The following TENM4 variants were observed in gnomAD, a reference collection of about 807,000 sequenced individuals.
TENM4 encodes the protein teneurin-4.
A neutral mutation model predicts 243.3 loss-of-function variants in TENM4; 82 were observed. That is an observed-to-expected ratio of 0.34 (90% CI 0.28 to 0.40). TENM4 has a LOEUF of 0.40. TENM4 is among the 10% of genes least tolerant of loss of function. The pLI is 1.00. For missense variants in TENM4, 3,138 were observed against 3,673.3 expected (o/e 0.85, Z 3.77); for synonymous variants, 1,412 against 1,456.3 (o/e 0.97, Z 0.69).
intron 1 of TENM4, among the ~76,000 whole-genome samples, chr11:79,435,059 A>C (rs1859244335): frequency 6.6e-6 from 1 of 152,180 alleles, no homozygotes; most frequent in Non-Finnish European, 1.5e-5. Flanking sequence ...TTATCATTAG[A>C]TGAAAATAAG....
At chr11:78,924,197 T>C (rs946353854) in intron 6 of TENM4, among the ~76,000 whole-genome samples, 9 of 152,244 alleles carry the variant, frequency 5.9e-5, no homozygotes, top group Admixed American at 1.3e-4. Context: ...CCAGTCTGTC[T>C]TGACCATTCA....
chr11:78,688,097 G>A lies in TENM4; in HGVS notation c.5217C>T (p.Thr1739=). ...ETSSKDDVTI[T]TNLSASGAFY... The stretch of plus-strand genomic sequence containing the variant: ...AGGCGCCTGAGGCAGACAGGTTGGT[G>A]GTTATGGTGACATCATCCTTGCTGG... Residue 1739 remains threonine (T), a synonymous_variant, in exon 29 of 34, where the codon ACC becomes ACT. Coordinates refer to ENST00000278550, the MANE Select transcript of TENM4 (RefSeq NM_001098816.3). 6.2e-7 allele frequency: 1 copy of A among 1,613,884 alleles called. No homozygotes were observed. Among genetic ancestry groups the A allele is most frequent in the Non-Finnish European group, 8.5e-7 (1 of 1,179,856 alleles).
intron 3 of TENM4, among the ~76,000 whole-genome samples, chr11:79,152,633 A>T (rs780628981): frequency 6.6e-6 from 1 of 152,248 alleles, no homozygotes; most frequent in Non-Finnish European, 1.5e-5. Context: ...GGAACGGGAA[A>T]ACAAGGGGCT....
chr11:78,913,842 C>T (rs1018325866), intron 6 of TENM4, among the ~76,000 whole-genome samples: 4 of 152,104 alleles, frequency 2.6e-5, no homozygotes, highest in Admixed American at 2.0e-4. Context: ...TTCTCAAGGT[C>T]TCTGGAGCTA....
rs111622150 is a variant in TENM4, at chr11:79,391,371, G to A, written c.-321+49138C>T. Among the ~76,000 whole-genome samples the A allele has an allele frequency of 1.5e-3, 226 of 152,028 alleles. 1 individual carries two copies. Among genetic ancestry groups the A allele is most frequent in the African/African-American group, 5.1e-3 (212 of 41,462 alleles). On this transcript the variant is annotated intron_variant, in intron 1 of 33. Transcript: ENST00000278550. ...AATGTTTCTCAGTTCCTTCCTCAGG[G>A]CCTGATCTGTGCTAGCCTGTGGGAT...
intron 9 of TENM4, among the ~76,000 whole-genome samples, chr11:78,881,862 A>G (rs1855439044): frequency 1.3e-5 from 2 of 152,322 alleles, no homozygotes; most frequent in South Asian, 2.1e-4. Context: ...TCTTCCTTTT[A>G]GGGATCTGGA....
rs76741242 is a variant in TENM4 at position 78,747,858 on chromosome 11, A to T, written c.2756+8947T>A. On this transcript the variant is annotated intron_variant, in intron 19 of 33. Transcript: ENST00000278550. ...TGGATAAAAATGCAGAAAGTCTTTG[A>T]TTTACAAACAGCAGAATTACAGTTT... Among the ~76,000 whole-genome samples, 1,453 of 152,332 alleles carry T rather than the reference A, an allele frequency of 9.5e-3. 11 individuals carry two copies. The highest frequency in any genetic ancestry group is 0.02 in the Middle Eastern group (6 of 294).
chr11:78,672,457 C>A, intron 30 of TENM4, 128 bp from the exon 31 acceptor site: 1 of 959,566 alleles, frequency 1.0e-6, no homozygotes, highest in East Asian at 2.5e-5. Context: ...TCCTGCGCAG[C>A]AACAGACATG....
intron 29 of TENM4, 80 bp from the exon 30 acceptor site, chr11:78,676,467 G>A (rs545622955): frequency 1.2e-5 from 13 of 1,130,300 alleles, no homozygotes; most frequent in Non-Finnish European, 1.6e-5. Flanking sequence ...GCGGTGGAGG[G>A]GACTTTAAAG....
chr11:79,024,982 T>C (rs1433734580), intron 6 of TENM4, among the ~76,000 whole-genome samples: 1 of 152,074 alleles, frequency 6.6e-6, no homozygotes, highest in Non-Finnish European at 1.5e-5. Flanking sequence ...AGGATATGCC[T>C]CTCTTGAAGA....
At chr11:79,330,418 G>T (rs1857043540) in intron 1 of TENM4, among the ~76,000 whole-genome samples, 1 of 152,170 alleles carries the variant, frequency 6.6e-6, no homozygotes, top group South Asian at 2.1e-4. Context: ...AGGGGGCTAG[G>T]GGGAAAAGCA....
At chr11:79,065,397 C>A (rs1591255037) in intron 5 of TENM4, among the ~76,000 whole-genome samples, 1 of 152,186 alleles carries the variant, frequency 6.6e-6, no homozygotes, top group East Asian at 1.9e-4. Context: ...AGGGCAGGCA[C>A]CATGTTTTGC....
intron 6 of TENM4, among the ~76,000 whole-genome samples, chr11:78,972,312 C>G (rs1231628907): frequency 6.6e-6 from 1 of 152,080 alleles, no homozygotes; most frequent in Admixed American, 6.5e-5. Context: ...TAAGTCAACT[C>G]TCCTCGACAA....
At position 79,436,359 on chromosome 11, in the gene TENM4, A is replaced by C. The variant is rs553185606; in HGVS notation, c.-321+4150T>G. 2.0e-5 allele frequency among the ~76,000 whole-genome samples: 3 copies of C among 152,182 alleles called. No homozygotes were observed. The East Asian group carries it at 5.8e-4, about 29-fold the overall frequency. Reference sequence around the variant, plus strand: ...TTTATAGACTGGATCATAAAAAAAAACCCTGACAGTGTTGCAAACTAAGTA... The same window carrying C: ...TTTATAGACTGGATCATAAAAAAAACCCCTGACAGTGTTGCAAACTAAGTA... On this transcript the variant is annotated intron_variant, in intron 1 of 33. Coordinates refer to ENST00000278550, the MANE Select transcript of TENM4 (RefSeq NM_001098816.3).
chr11:79,213,971 CCTT>C (rs1371119906), intron 3 of TENM4, among the ~76,000 whole-genome samples: 1 of 151,372 alleles, frequency 6.6e-6, no homozygotes, highest in Non-Finnish European at 1.5e-5. Context: ...CTTTACCTGT[CCTT>C]CTAAAGAAAG....
intron 1 of TENM4, among the ~76,000 whole-genome samples, chr11:79,360,670 C>CAA (rs774930833): frequency 2.0e-5 from 3 of 152,178 alleles, no homozygotes; most frequent in Non-Finnish European, 2.9e-5. Flanking sequence ...AATAGACTGT[C>CAA]AGATTTTTAG....
At chr11:78,796,169 G>A (rs1212359165) in intron 15 of TENM4, among the ~76,000 whole-genome samples, 1 of 152,146 alleles carries the variant, frequency 6.6e-6, no homozygotes, top group African/African-American at 2.4e-5. Flanking sequence ...AGATTTTCAA[G>A]TCTTTACAAA....
Position 78,903,516 on chromosome 11 carries a change from C to T in TENM4, c.501G>A (p.Pro167=), listed in dbSNP as rs1176512431. The T allele has an allele frequency of 4.5e-6, 7 of 1,546,472 alleles. No individual in the cohort carries two copies. The highest frequency in any genetic ancestry group is 4.4e-6 in the Non-Finnish European group (5 of 1,146,596). Residue 167 remains proline, a synonymous_variant, in exon 7 of 34, where the codon CCG becomes CCA. Coordinates refer to ENST00000278550, the MANE Select transcript of TENM4 (RefSeq NM_001098816.3). Reference sequence around the variant, plus strand: ...GCCGCGCGTGGTTCTGCAGGCCGCCCGGATGATCTAGGGCACAAACATGGC... The same window carrying T: ...GCCGCGCGTGGTTCTGCAGGCCGCCTGGATGATCTAGGGCACAAACATGGC... ...TEHENTETDH[P]GGLQNHARLR... is the part of the protein sequence containing the mutation.
chr11:79,015,477 A>AGAGTGTGTGTGTGT (rs1858748893), intron 6 of TENM4, among the ~76,000 whole-genome samples: 1 of 147,142 alleles, frequency 6.8e-6, no homozygotes, highest in Non-Finnish European at 1.5e-5. Context: ...AAAGTCATTT[A>AGAGTGTGTGTGTGT]GTGTGTGTGT....
Sources: allele counts gnomAD v4.1 joint callset (sites outside exome capture counted in the v4.1 genomes callset), GRCh38; gene constraint gnomAD v4.1.1; transcripts MANE v1.5; gene names NCBI Gene and HGNC (gene_info 2026-07-23, HGNC 2026-07-21).